ASIC1: variants seen among roughly 807,000 people sequenced by gnomAD.
The protein encoded by ASIC1 is acid sensing ion channel subunit 1.
A neutral mutation model predicts 63.4 loss-of-function variants in ASIC1; 21 were observed. That is an observed-to-expected ratio of 0.33 (90% CI 0.23 to 0.48). ASIC1 has a LOEUF of 0.48. ASIC1 is among the 20% of genes least tolerant of loss of function. The pLI is 0.99. For missense variants in ASIC1, 478 were observed against 695.5 expected, an observed-to-expected ratio of 0.69 and a Z score of 3.52; for synonymous variants, 258 against 278.2, an observed-to-expected ratio of 0.93 and a Z score of 0.72.
At position 50,058,964 on chromosome 12, in the gene ASIC1, G is replaced by A. The variant is rs1335133776; in HGVS notation, c.198G>A (p.Gln66=). The A allele has an allele frequency of 6.2e-7, 1 of 1,614,094 alleles. No individual in the cohort carries two copies. Among genetic ancestry groups the A allele is most frequent in the Non-Finnish European group, 8.5e-7 (1 of 1,180,050 alleles). The change falls in exon 2 of 12, where the codon CAG becomes CAA. Residue 66 remains glutamine, a synonymous_variant. Coordinates refer to ENST00000447966, the MANE Select transcript of ASIC1 (RefSeq NM_001095.4). ...VLLCVCTERV[Q]YYFHYHHVTK... Reference sequence around the variant, plus strand: ...TGTGTGTGTGCACGGAGCGTGTGCAGTACTACTTCCACTACCACCATGTCA... The same window carrying A: ...TGTGTGTGTGCACGGAGCGTGTGCAATACTACTTCCACTACCACCATGTCA...
Position 50,081,383 on chromosome 12 carries a change from G to T in ASIC1, c.1482+19G>T, listed in dbSNP as rs199951075. ...AAGACACGTGAGGGAGCGAGCGAGG[G>T]CGCCCTCCAGCCCGCCTGTGCCTCC... is the stretch of plus-strand genomic sequence containing the variant. On this transcript the variant is annotated intron_variant, in intron 11 of 11. Coordinates refer to ENST00000447966, the MANE Select transcript of ASIC1 (RefSeq NM_001095.4). 5.7e-5 allele frequency: 90 copies of T among 1,565,330 alleles called. No homozygotes were observed. Among genetic ancestry groups the T allele is most frequent in the Non-Finnish European group, 3.3e-5 (38 of 1,155,166 alleles).
At chr12:50,072,316 C>T (rs756548753) in intron 3 of ASIC1, among the ~76,000 whole-genome samples, 7 of 152,212 alleles carry the variant, frequency 4.6e-5, no homozygotes, top group Non-Finnish European at 1.0e-4. Context: ...ATCTGCTATA[C>T]CTCCCTCCCC....
In ASIC1 at chr12:50,074,338, G is replaced by GCTGGGT; in HGVS notation, c.559-2870_559-2869insTCTGGG. On this transcript the variant is annotated intron_variant, in intron 3 of 11. Transcript: ENST00000447966. The surrounding 1 kb of genome is among the most constrained non-coding windows in gnomAD (Gnocchi z 4.2). ...TCCTGGGGTTGGGGCTGGGGCTGGG[G>GCTGGGT]CTGGGGCTGATGACTGTGCTGCCCC... is the stretch of plus-strand genomic sequence containing the variant. The GCTGGGT allele has an allele frequency of 1.4e-6, 2 of 1,426,822 alleles. No homozygotes were observed. Among genetic ancestry groups the GCTGGGT allele is most frequent in the Non-Finnish European group, 1.8e-6 (2 of 1,094,216 alleles). 88.4% of individuals were successfully genotyped at this position (1,426,822 alleles called of 1,614,324 possible).
At chr12:50,081,410 C>A in intron 11 of ASIC1, 46 bp downstream of exon 11, 2 of 1,542,170 alleles carry the variant, frequency 1.3e-6, no homozygotes, top group South Asian at 1.2e-5. Flanking sequence ...TGTGCCTCCA[C>A]CGCCCCAGGA....
rs1017681374 is a variant in ASIC1, at chr12:50,071,340, C to T, written c.559-5873C>T. 8.1e-5 allele frequency among the ~76,000 whole-genome samples: 12 copies of T among 148,196 alleles called. 1 individual carries two copies. Among genetic ancestry groups the T allele is most frequent in the East Asian group, 7.9e-4 (4 of 5,086 alleles). On this transcript the variant is annotated intron_variant, in intron 3 of 11. Transcript: ENST00000447966. ...GGAGTGCAGTGGCTCAGTCTCGGCT[C>T]ACTGCAAGCTCCACCTCCTGGGTTC... is the stretch of plus-strand genomic sequence containing the variant.
At chr12:50,063,765 A>T (rs529865853) in intron 3 of ASIC1, among the ~76,000 whole-genome samples, 15 of 152,178 alleles carry the variant, frequency 9.9e-5, no homozygotes, top group African/African-American at 3.6e-4. Flanking sequence ...TGATCCTGGG[A>T]CCCAAAGTGG....
At chr12:50,080,711 C>T (rs1369697076) in intron 9 of ASIC1, 122 bp downstream of exon 9, 2 of 1,613,478 alleles carry the variant, frequency 1.2e-6, no homozygotes, top group African/African-American at 1.3e-5. Flanking sequence ...GGCCCTTCCC[C>T]AAACCCTGTT....
intron 3 of ASIC1, among the ~76,000 whole-genome samples, chr12:50,069,659 A>C (rs1261446468): frequency 1.3e-5 from 2 of 151,862 alleles, no homozygotes; most frequent in Non-Finnish European, 2.9e-5. Flanking sequence ...TTAATTCCCC[A>C]GTCTGGGGCA....
In ASIC1 at chr12:50,076,552, TGGAG is replaced by T. The variant is rs1950656901; in HGVS notation, c.559-658_559-655del. On this transcript the variant is annotated intron_variant, in intron 3 of 11. Transcript: ENST00000447966. ...ATCTAGGAGAAGAGAAGATATGTCT[TGGAG>T]GGCCTCAGGAGCTTGGGCCTGAGGA... 2.0e-5 allele frequency among the ~76,000 whole-genome samples: 3 copies of T among 151,910 alleles called. No individual in the cohort carries two copies. The South Asian group carries it at 6.3e-4, about 32-fold the overall frequency.
At position 50,078,731 on chromosome 12, in the gene ASIC1, G is replaced by A; in HGVS notation, c.994+154G>A. 3.7e-6 allele frequency: 5 copies of A among 1,366,462 alleles called. No individual in the cohort carries two copies. The highest frequency in any genetic ancestry group is 5.1e-6 in the Non-Finnish European group (5 of 973,670). 84.6% of individuals were successfully genotyped at this position (1,366,462 alleles called of 1,614,324 possible). A position where few individuals can be genotyped will look rare whatever the true frequency, so the allele number is the denominator to read the frequency against. On this transcript the variant is annotated intron_variant, in intron 6 of 11. Transcript: ENST00000447966. This position sits in a 1 kb window ranked among gnomAD's most constrained non-coding sequence, Gnocchi z 6.0. ...GTCTCTCTGACCTCAGTTCCCGCCT[G>A]CACCCCCAGGGATGGGTGGGAAGGG...
rs368875835 is a variant in ASIC1 at position 50,078,406 on chromosome 12, C to T, written c.838-15C>T. 205 of 1,613,458 alleles carry T rather than the reference C, an allele frequency of 1.3e-4. 1 individual carries two copies. The African/African-American group carries it at 2.3e-3, about 18-fold the overall frequency. ...AAGTCCCCGCACTCCCCCAGCTCCC[C>T]GGCTCTCCCAGCAGCTCATCTACCT... On this transcript the variant is annotated splice_polypyrimidine_tract_variant and intron_variant, in intron 5 of 11. Transcript: ENST00000447966. The surrounding 1 kb of genome is among the most constrained non-coding windows in gnomAD (Gnocchi z 6.0).
At position 50,079,987 on chromosome 12, in the gene ASIC1, C is replaced by G. The variant is rs1341195482; in HGVS notation, c.1137C>G (p.Val379=). ...LTRYGKELSM[V]KIPSKASAKY... ...GCTATGGCAAAGAGCTGTCCATGGT[C>G]AAGATCCCCAGCAAAGCCTCAGCCA... Residue 379 remains valine (V), a synonymous_variant, in exon 8 of 12, where the codon GTC becomes GTG. Coordinates refer to ENST00000447966, the MANE Select transcript of ASIC1 (RefSeq NM_001095.4). 4 of 1,614,094 alleles carry G rather than the reference C, an allele frequency of 2.5e-6. No individual in the cohort carries two copies. The highest frequency in any genetic ancestry group is 2.2e-5 in the South Asian group (2 of 91,076).
chr12:50,076,715 G>A, intron 3 of ASIC1: 1 of 254,664 alleles, frequency 3.9e-6, no homozygotes, highest in Non-Finnish European at 7.9e-6. Context: ...AGAGCTGGGG[G>A]CAGGGTTAAG....
At position 50,081,149 on chromosome 12, in the gene ASIC1, A is replaced by G; in HGVS notation, c.1345A>G (p.Thr449Ala). The part of the protein sequence containing the change: ...MGLFIGASIL[T>A]VLELFDYAYE... Reference sequence around the variant, plus strand: ...GCTGTTCATCGGGGCCAGCATCCTCACGGTGCTGGAGCTCTTTGACTACGC... The same window carrying G: ...GCTGTTCATCGGGGCCAGCATCCTCGCGGTGCTGGAGCTCTTTGACTACGC... Residue 449 changes from threonine to alanine, a missense_variant, in exon 10 of 12, where the codon ACG becomes GCG. Thr to Ala is a moderately conservative substitution (Grantham distance 58). This residue lies in a region of ASIC1 where 84 missense variants were observed against 183.5 expected (regional missense o/e 0.46). Transcript: ENST00000447966. The G allele has an allele frequency of 6.2e-7, 1 of 1,612,364 alleles. No homozygotes were observed. Among genetic ancestry groups the G allele is most frequent in the Non-Finnish European group, 8.5e-7 (1 of 1,179,404 alleles).
At chr12:50,081,411 C>T (rs761679948) in intron 11 of ASIC1, 47 bp downstream of exon 11, 11 of 1,541,346 alleles carry the variant, frequency 7.1e-6, no homozygotes, top group African/African-American at 4.1e-5. Context: ...GTGCCTCCAC[C>T]GCCCCAGGAA....
chr12:50,078,938 T>G lies in ASIC1; in HGVS notation c.1009T>G (p.Cys337Gly). 4.3e-6 allele frequency: 7 copies of G among 1,614,000 alleles called. No homozygotes were observed. Among genetic ancestry groups the G allele is most frequent in the South Asian group, 1.1e-5 (1 of 91,072 alleles). ...MVHMPGDAPY[C>G]TPEQYKECAD... ...CTCCTCTGTAGGGGATGCCCCATACTGTACTCCAGAGCAGTACAAGGAGTG... is the reference window on the plus strand; with the variant it reads ...CTCCTCTGTAGGGGATGCCCCATACGGTACTCCAGAGCAGTACAAGGAGTG... Residue 337 changes from cysteine to glycine, a missense_variant, in exon 7 of 12, where the codon TGT (cysteine) becomes GGT (glycine). Coordinates refer to ENST00000447966, the MANE Select transcript of ASIC1 (RefSeq NM_001095.4). The surrounding 1 kb of genome is among the most constrained non-coding windows in gnomAD (Gnocchi z 6.0).
In ASIC1 at chr12:50,078,666, C is replaced by T; in HGVS notation, c.994+89C>T. 1 of 1,560,594 alleles carries T rather than the reference C, an allele frequency of 6.4e-7. No homozygotes were observed. Among genetic ancestry groups the T allele is most frequent in the African/African-American group, 1.4e-5 (1 of 73,988 alleles). On this transcript the variant is annotated intron_variant, in intron 6 of 11. Transcript: ENST00000447966. The surrounding 1 kb of genome is among the most constrained non-coding windows in gnomAD (Gnocchi z 6.0). ...CCCCATCCATATCAATCTCCCAACC[C>T]CAGTTCCAGCCCACCCCATCCCACA...
At chr12:50,079,022 G>A in intron 7 of ASIC1, 42 bp downstream of exon 7, 1 of 1,596,486 alleles carries the variant, frequency 6.3e-7, no homozygotes. Context: ...GAGGGAAAAG[G>A]TGCTGCCAGC....
chr12:50,075,616 T>C (rs1950647740), intron 3 of ASIC1, among the ~76,000 whole-genome samples: 1 of 152,194 alleles, frequency 6.6e-6, no homozygotes, highest in South Asian at 2.1e-4. Context: ...TCTCCTCTTC[T>C]GGAGGTCAAT....
Sources: allele counts gnomAD v4.1 joint callset (sites outside exome capture counted in the v4.1 genomes callset), GRCh38; gene constraint gnomAD v4.1.1; regional missense constraint gnomAD v4.1.1; non-coding constraint Gnocchi (gnomAD v3.1); transcripts MANE v1.5; gene names NCBI Gene and HGNC (gene_info 2026-07-23, HGNC 2026-07-21).